The following SLC26A11 variants were observed in gnomAD, a reference collection of about 807,000 sequenced individuals.
SLC26A11 encodes the protein sodium-independent sulfate anion transporter.
SLC26A11 carries 58 observed loss-of-function variants against 62.2 expected under a neutral mutation model. The ratio of observed to expected loss-of-function variants is 0.93; its 90% CI spans 0.76 to 1.16. SLC26A11 has a LOEUF of 1.16. SLC26A11 is among the 50% of genes most tolerant of loss of function. The probability of loss-of-function intolerance (pLI) is 0.00; values close to 1 mark genes in which losing one functional copy is unlikely to be tolerated. For synonymous variants in SLC26A11, 411 were observed against 368.9 expected (o/e 1.11, Z -1.31); for missense variants, 790 against 794.3 (o/e 0.99, Z 0.06).
At chr17:80,237,194 G>T (rs2042720045) in intron 8 of SLC26A11, 91 bp downstream of exon 8, 5 of 1,456,328 alleles carry the variant, frequency 3.4e-6, no homozygotes, top group African/African-American at 2.8e-5. Flanking sequence ...GGGTGCCAGG[G>T]GGTCTGAGGT....
chr17:80,231,287 C>CA (rs2042561172), intron 7 of SLC26A11, among the ~76,000 whole-genome samples: 1 of 151,650 alleles, frequency 6.6e-6, no homozygotes, highest in Non-Finnish European at 1.5e-5. Flanking sequence ...CTCAGCCTCC[C>CA]AAGTAGCTGG....
intron 7 of SLC26A11, among the ~76,000 whole-genome samples, chr17:80,236,170 C>G (rs985692325): frequency 2.6e-5 from 4 of 152,152 alleles, no homozygotes; most frequent in African/African-American, 9.7e-5. Flanking sequence ...TTGGGATTGT[C>G]CCTTGTAACC....
rs1357539441 is a variant in SLC26A11 at position 80,253,268 on chromosome 17, T to A, written c.*552T>A. The A allele has an allele frequency of 6.5e-6, 1 of 152,880 alleles. No homozygotes were observed. The highest frequency in any genetic ancestry group is 2.4e-5 in the African/African-American group (1 of 41,460). 9.5% of individuals were successfully genotyped at this position (152,880 alleles called of 1,614,324 possible). ...AGCTTTGGTGATTTTGTAAAAGTCA[T>A]AAATGCTTATTGTAAAAAATACAGG... On this transcript the variant is annotated 3_prime_UTR_variant, in exon 18 of 18. Transcript: ENST00000361193.
intron 17 of SLC26A11, among the ~76,000 whole-genome samples, chr17:80,251,865 CAGGATGTGGATAT>C (rs2043167100): frequency 6.6e-6 from 1 of 152,048 alleles, no homozygotes; most frequent in Non-Finnish European, 1.5e-5. Flanking sequence ...ACCTGCCTGT[CAGGATGTGGATAT>C]ATGTTTGCGG....
At chr17:80,248,463 C>T (rs944775693) in intron 14 of SLC26A11, 112 bp from the exon 15 acceptor site, 2 of 1,308,236 alleles carry the variant, frequency 1.5e-6, no homozygotes, top group Non-Finnish European at 2.1e-6. Flanking sequence ...GCACCCCTCT[C>T]CCGGTCCCCT....
chr17:80,225,125 C>T (rs1207066875), intron 5 of SLC26A11, among the ~76,000 whole-genome samples: 1 of 152,020 alleles, frequency 6.6e-6, no homozygotes, highest in Non-Finnish European at 1.5e-5. Context: ...CACTGGAGCC[C>T]AGGAGTTCGA....
chr17:80,240,520 C>T (rs1034273115), intron 9 of SLC26A11, among the ~76,000 whole-genome samples: 6 of 151,892 alleles, frequency 4.0e-5, no homozygotes, highest in African/African-American at 9.7e-5. Flanking sequence ...ATGTTTTTCT[C>T]GGCCGGGTGC....
chr17:80,230,054 G>C (rs576774379), intron 7 of SLC26A11, among the ~76,000 whole-genome samples: 1 of 152,162 alleles, frequency 6.6e-6, no homozygotes, highest in South Asian at 2.1e-4. Context: ...AATTAGCTGG[G>C]TGTGGTGGTG....
intron 16 of SLC26A11, 95 bp from the exon 17 acceptor site, chr17:80,251,234 T>C (rs910985817): frequency 8.7e-6 from 14 of 1,611,500 alleles, no homozygotes; most frequent in African/African-American, 5.3e-5. Flanking sequence ...GCCATACCTC[T>C]CCGGGAGACT....
At chr17:80,239,525 G>C (rs1019296937) in intron 9 of SLC26A11, among the ~76,000 whole-genome samples, 2 of 152,038 alleles carry the variant, frequency 1.3e-5, no homozygotes, top group African/African-American at 4.8e-5. Context: ...GAGTAGCTGG[G>C]ACTACAGGCG....
At chr17:80,238,472 G>A (rs929108774) in intron 9 of SLC26A11, among the ~76,000 whole-genome samples, 2 of 152,170 alleles carry the variant, frequency 1.3e-5, no homozygotes, top group Non-Finnish European at 2.9e-5. Context: ...CCATCGGCCA[G>A]CCCCTCCTCG....
chr17:80,240,602 A>T (rs966041386), intron 9 of SLC26A11, among the ~76,000 whole-genome samples: 1 of 152,042 alleles, frequency 6.6e-6, no homozygotes, highest in African/African-American at 2.4e-5. Flanking sequence ...CAGGAGTTCG[A>T]CACAAGCCTG....
chr17:80,240,672 A>G (rs111341050), intron 9 of SLC26A11, among the ~76,000 whole-genome samples: 1,642 of 150,880 alleles, frequency 0.011, 25 homozygotes, highest in African/African-American at 0.037. Flanking sequence ...GCGTGGTGGC[A>G]TGCCCCTGTA....
chr17:80,248,337 G>A lies in SLC26A11; in HGVS notation c.1422+80G>A, dbSNP rs1253924617. On this transcript the variant is annotated intron_variant, in intron 14 of 17. Coordinates refer to ENST00000361193, the MANE Select transcript of SLC26A11 (RefSeq NM_001166347.2). Reference sequence around the variant, plus strand: ...ATGGTCTTATGTTTTGAGGGTCCGGGGTGATTGTGGTCGTGGGTGCTGCTG... The same window carrying A: ...ATGGTCTTATGTTTTGAGGGTCCGGAGTGATTGTGGTCGTGGGTGCTGCTG... 9 of 1,506,442 alleles carry A rather than the reference G, an allele frequency of 6.0e-6. No homozygotes were observed. In the Admixed American group the frequency reaches 1.8e-4, roughly 31 times the overall value. 93.3% of individuals were successfully genotyped at this position (1,506,442 alleles called of 1,614,324 possible).
chr17:80,232,098 T>C (rs1242943596), intron 7 of SLC26A11, among the ~76,000 whole-genome samples: 1 of 152,204 alleles, frequency 6.6e-6, no homozygotes, highest in Non-Finnish European at 1.5e-5. Flanking sequence ...TTCATATATT[T>C]TGAAGCTCTG....
chr17:80,222,518 A>T lies in SLC26A11; in HGVS notation c.235-137A>T. Reference sequence around the variant, plus strand: ...CCTCCTGATCACTGCAGGTCCACCCACAGGGCAGGGCGGTGCACCTTTAAC... The same window carrying T: ...CCTCCTGATCACTGCAGGTCCACCCTCAGGGCAGGGCGGTGCACCTTTAAC... On this transcript the variant is annotated intron_variant, in intron 3 of 17. Coordinates refer to ENST00000361193, the MANE Select transcript of SLC26A11 (RefSeq NM_001166347.2). This position sits in a 1 kb window ranked among gnomAD's most constrained non-coding sequence, Gnocchi z 4.7. 2.3e-6 allele frequency: 2 copies of T among 883,214 alleles called. No individual in the cohort carries two copies. Among genetic ancestry groups the T allele is most frequent in the Middle Eastern group, 3.4e-4 (1 of 2,918 alleles). The allele number at this position is 883,214 out of a possible 1,614,324, so 54.7% of individuals were successfully genotyped here.
In SLC26A11 at chr17:80,227,963, G is replaced by C. The variant is rs769237581; in HGVS notation, c.736+3G>C. ...GCTGGTCTGGGCTGCCACGACAGGT[G>C]AGGGGCCTCTGGCTGACATCTTATG... On this transcript the variant is annotated splice_donor_region_variant and intron_variant, in intron 7 of 17. Transcript: ENST00000361193. 1.3e-6 allele frequency: 2 copies of C among 1,599,444 alleles called. No homozygotes were observed. Among genetic ancestry groups the C allele is most frequent in the South Asian group, 2.2e-5 (2 of 91,004 alleles).
In SLC26A11 at chr17:80,239,907, T is replaced by C. The variant is rs75936204; in HGVS notation, c.986-1864T>C. On this transcript the variant is annotated intron_variant, in intron 9 of 17. Transcript: ENST00000361193. Reference sequence around the variant, plus strand: ...GAAATCCAGATCTCATGTTTACAAATAAAGTCAGTTGGAGCGTGGCTGTGC... The same window carrying C: ...GAAATCCAGATCTCATGTTTACAAACAAAGTCAGTTGGAGCGTGGCTGTGC... 6.4e-3 allele frequency among the ~76,000 whole-genome samples: 970 copies of C among 152,372 alleles called. 12 individuals are homozygous for C. The highest frequency in any genetic ancestry group is 0.017 in the African/African-American group (696 of 41,596).
chr17:80,246,506 C>T lies in SLC26A11; in HGVS notation c.1154-3C>T. 6.2e-7 allele frequency: 1 copy of T among 1,610,570 alleles called. No homozygotes were observed. The highest frequency in any genetic ancestry group is 8.5e-7 in the Non-Finnish European group (1 of 1,179,978). On this transcript the variant is annotated splice_region_variant and splice_polypyrimidine_tract_variant and intron_variant, in intron 12 of 17. Coordinates refer to ENST00000361193, the MANE Select transcript of SLC26A11 (RefSeq NM_001166347.2). The surrounding 1 kb of genome is among the most constrained non-coding windows in gnomAD (Gnocchi z 4.4). ...AGGTCACCTGTGTTCCCGTGCCCCG[C>T]AGGAGTGCTGGTGCTGCTGTCTCTG...
Sources: gnomAD v4.1 joint callset for allele counts (sites outside exome capture counted in the v4.1 genomes callset) on GRCh38, gnomAD v4.1.1 for gene constraint, Gnocchi (gnomAD v3.1) non-coding constraint, MANE v1.5 for transcripts, NCBI Gene and HGNC (gene_info 2026-07-23, HGNC 2026-07-21) for gene names.